Variants in PCDHGA2 observed in about 807,000 individuals in gnomAD.
PCDHGA2 encodes protocadherin gamma subfamily A, 2.
PCDHGA2 carries 40 observed loss-of-function variants against 59.2 expected under a neutral mutation model. The ratio of observed to expected loss-of-function variants is 0.68; its 90% CI spans 0.52 to 0.88. The LOEUF (loss-of-function observed/expected upper bound fraction) is 0.88. Ranked by LOEUF, PCDHGA2 falls within the 40% of genes least tolerant of loss-of-function variation. PCDHGA2 has a pLI of 0.00. For missense variants in PCDHGA2, 1,226 were observed against 1,204.0 expected (o/e 1.02, Z -0.27); for synonymous variants, 560 against 526.0 (o/e 1.06, Z -0.89).
chr5:141,352,839 T>A (rs932260905), intron 1 of PCDHGA2: 4 of 717,548 alleles, frequency 5.6e-6, no homozygotes, highest in Non-Finnish European at 9.0e-6. Context: ...ATTACAAAAA[T>A]TAGTTGGGTG....
In PCDHGA2 at chr5:141,387,802, G is replaced by A. The variant is rs916959942; in HGVS notation, c.2424+46407G>A. 2.0e-6 allele frequency: 3 copies of A among 1,511,984 alleles called. No homozygotes were observed. The Admixed American group carries it at 7.0e-5, about 35-fold the overall frequency. 93.7% of individuals were successfully genotyped at this position (1,511,984 alleles called of 1,614,324 possible). On this transcript the variant is annotated intron_variant, in intron 1 of 3. Coordinates refer to ENST00000394576, the MANE Select transcript of PCDHGA2 (RefSeq NM_018915.4). ...CTGGAACTGCAACTAAAGTCCGTTC[G>A]GAGATCCAAAAATCTGCAATACAGA...
intron 1 of PCDHGA2, chr5:141,371,896 T>C (rs760450150): frequency 1.2e-6 from 2 of 1,613,426 alleles, no homozygotes; most frequent in Admixed American, 1.7e-5. Flanking sequence ...CCGCGGGAGC[T>C]GTCGTCCTAC....
rs751809555 is a variant in PCDHGA2 at position 141,340,163 on chromosome 5, G to A, written c.1192G>A (p.Val398Ile). The A allele has an allele frequency of 4.3e-6, 7 of 1,614,176 alleles. No homozygotes were observed. In the African/African-American group the frequency reaches 6.7e-5, roughly 15 times the overall value. Residue 398 changes from valine (V) to isoleucine (I), a missense_variant, in exon 1 of 4, where the codon GTA becomes ATA. Transcript: ENST00000394576. ...EDLPFKLEKS[V>I]DNYYRLVTTR... ...TCTTCCTTTTAAGTTAGAAAAGTCA[G>A]TAGACAATTACTACCGACTGGTTAC...
At chr5:141,342,441 T>G (rs1272632131) in intron 1 of PCDHGA2, 1 of 152,194 alleles carries the variant, frequency 6.6e-6, no homozygotes, top group Non-Finnish European at 1.5e-5. Flanking sequence ...CTGGCATCAT[T>G]TTTTATTTTT....
intron 1 of PCDHGA2, among the ~76,000 whole-genome samples, chr5:141,465,017 C>T (rs1278815002): frequency 6.6e-6 from 1 of 152,132 alleles, no homozygotes; most frequent in Non-Finnish European, 1.5e-5. Context: ...GCTAAGATTA[C>T]AGCCATGAAC....
chr5:141,385,707 A>C (rs1397936755), intron 1 of PCDHGA2: 1 of 259,744 alleles, frequency 3.8e-6, no homozygotes, highest in Non-Finnish European at 6.2e-6. Flanking sequence ...TTTAGCATTC[A>C]AATATGTAAA....
In PCDHGA2 at chr5:141,345,187, T is replaced by C. The variant is rs759403018; in HGVS notation, c.2424+3792T>C. 35 of 1,614,016 alleles carry C rather than the reference T, an allele frequency of 2.2e-5. No homozygotes were observed. The East Asian group carries it at 7.1e-4, about 33-fold the overall frequency. ...GGGCAGAATGGGCAGGTTGAAGTTT[T>C]TGTCCTGGGAAATCTGCCATTTAAG... is the stretch of plus-strand genomic sequence containing the variant. On this transcript the variant is annotated intron_variant, in intron 1 of 3. Transcript: ENST00000394576.
intron 3 of PCDHGA2, among the ~76,000 whole-genome samples, chr5:141,510,329 A>G (rs1433056614): frequency 6.7e-6 from 1 of 150,230 alleles, no homozygotes; most frequent in South Asian, 2.1e-4. Context: ...AGCACTCTTC[A>G]CCCCCACCCC....
At chr5:141,422,219 C>T in intron 1 of PCDHGA2, 1 of 1,564,678 alleles carries the variant, frequency 6.4e-7, no homozygotes, top group Non-Finnish European at 8.6e-7. Context: ...CTCTTTACCA[C>T]CACGACGATG....
At chr5:141,448,247 A>G (rs1449158776) in intron 1 of PCDHGA2, among the ~76,000 whole-genome samples, 1 of 152,104 alleles carries the variant, frequency 6.6e-6, no homozygotes, top group Non-Finnish European at 1.5e-5. Flanking sequence ...TTTGCACAAC[A>G]GGATCATTTT....
At chr5:141,421,930 G>A (rs780569992) in intron 1 of PCDHGA2, 1 of 1,613,480 alleles carries the variant, frequency 6.2e-7, no homozygotes, top group Non-Finnish European at 8.5e-7. Flanking sequence ...GGTGGTCCTC[G>A]ATGTAAATGA....
chr5:141,487,314 A>G lies in PCDHGA2; in HGVS notation c.2425-7493A>G. ...GGCTCATTCGTGGCACTACTCTCTAAGTGTCTTCGTGGGGCAGCCTGTGGA... is the reference window on the plus strand; with the variant it reads ...GGCTCATTCGTGGCACTACTCTCTAGGTGTCTTCGTGGGGCAGCCTGTGGA... On this transcript the variant is annotated intron_variant, in intron 1 of 3. Transcript: ENST00000394576. The surrounding 1 kb of genome is among the most constrained non-coding windows in gnomAD (Gnocchi z 5.0). The G allele has an allele frequency of 6.2e-7, 1 of 1,614,002 alleles. No individual in the cohort carries two copies. Among genetic ancestry groups the G allele is most frequent in the African/African-American group, 1.3e-5 (1 of 74,994 alleles).
chr5:141,351,903 T>G (rs1367972481), intron 1 of PCDHGA2: 63 of 1,613,408 alleles, frequency 3.9e-5, no homozygotes, highest in Non-Finnish European at 5.2e-5. Flanking sequence ...CGCGTGTTGG[T>G]GGGCGACCTC....
intron 1 of PCDHGA2, chr5:141,374,470 T>C (rs1171171112): frequency 6.2e-7 from 1 of 1,612,516 alleles, no homozygotes; most frequent in Admixed American, 1.7e-5. Context: ...TTAATGACAA[T>C]ACACCCCGAT....
intron 1 of PCDHGA2, among the ~76,000 whole-genome samples, chr5:141,348,981 A>G (rs1758215377): frequency 6.6e-6 from 1 of 152,100 alleles, no homozygotes; most frequent in Admixed American, 6.6e-5. Context: ...GTGTCTAAGA[A>G]CTCTGAATAC....
intron 1 of PCDHGA2, among the ~76,000 whole-genome samples, chr5:141,462,069 C>T (rs555164288): frequency 4.3e-4 from 65 of 151,850 alleles, no homozygotes; most frequent in Non-Finnish European, 7.5e-4. Context: ...GTGATCTGCC[C>T]GCCTTGGCCT....
At position 141,383,936 on chromosome 5, in the gene PCDHGA2, AAGTGACTATG is replaced by A. The variant is rs765282926; in HGVS notation, c.2424+42543_2424+42552del. On this transcript the variant is annotated intron_variant, in intron 1 of 3. Coordinates refer to ENST00000394576, the MANE Select transcript of PCDHGA2 (RefSeq NM_018915.4). ...TTAGATGTAAATGATAATGCTCCAG[AAGTGACTATG>A]ACGTCTTTAAGTAGCTCAATCCCTG... 5.0e-6 allele frequency: 8 copies of A among 1,613,818 alleles called. No homozygotes were observed. In the South Asian group the frequency reaches 8.8e-5, roughly 18 times the overall value.
chr5:141,450,826 A>ATTTTT (rs764729742), intron 1 of PCDHGA2, among the ~76,000 whole-genome samples: 2 of 134,302 alleles, frequency 1.5e-5, no homozygotes, highest in African/African-American at 2.9e-5. Flanking sequence ...TATTATTATT[A>ATTTTT]TTATTTTTTT....
chr5:141,412,000 C>G (rs936679371), intron 1 of PCDHGA2: 4 of 151,788 alleles, frequency 2.6e-5, no homozygotes, highest in East Asian at 1.9e-4. Flanking sequence ...GGCATAGTGA[C>G]ATAAACACTT....
Sources: gnomAD v4.1 joint callset for allele counts (sites outside exome capture counted in the v4.1 genomes callset) on GRCh38, gnomAD v4.1.1 for gene constraint, Gnocchi (gnomAD v3.1) non-coding constraint, MANE v1.5 for transcripts, NCBI Gene and HGNC (gene_info 2026-07-23, HGNC 2026-07-21) for gene names.